The following NBAS variants were observed in gnomAD, a reference collection of about 807,000 sequenced individuals.
NBAS encodes NBAS subunit of NRZ tethering complex, also known as NAG/BC035112 fusion.
A neutral mutation model predicts 302.5 loss-of-function variants in NBAS; 219 were observed. The ratio of observed to expected loss-of-function variants is 0.72; its 90% CI spans 0.65 to 0.81. The LOEUF (loss-of-function observed/expected upper bound fraction) is 0.81. Ranked by LOEUF, NBAS falls within the 30% of genes least tolerant of loss-of-function variation. NBAS has a pLI of 0.00. For missense variants in NBAS, 2,932 were observed against 2,841.6 expected, an observed-to-expected ratio of 1.03 and a Z score of -0.72; for synonymous variants, 1,118 against 1,021.6, an observed-to-expected ratio of 1.09 and a Z score of -1.80.
At chr2:15,103,450 A>G in the NBAS span, among the ~76,000 whole-genome samples, 1 of 152,122 alleles carries the variant, frequency 6.6e-6, no homozygotes, top group African/African-American at 2.4e-5. Context: ...TGTTCATTCA[A>G]AAAGTATGCA....
intron 47 of NBAS, among the ~76,000 whole-genome samples, chr2:15,224,962 C>T (rs1558452995): frequency 6.6e-6 from 1 of 152,086 alleles, no homozygotes; most frequent in African/African-American, 2.4e-5. Context: ...GGAATAAGAA[C>T]TGCAAATAAA....
At position 15,415,615 on chromosome 2, in the gene NBAS, T is replaced by C. The variant is rs1265718775; in HGVS notation, c.2868A>G (p.Glu956=). ...SPGVANELLK[E]YLVTLAKGDL... ...CCCCTTTAGCTAAAGTTACTAAATATTCTTTTAATAGCTCATTAGCCACAC... is the reference window on the plus strand; with the variant it reads ...CCCCTTTAGCTAAAGTTACTAAATACTCTTTTAATAGCTCATTAGCCACAC... The change falls in exon 25 of 52, where the codon GAA becomes GAG. Residue 956 remains glutamate, a synonymous_variant. Transcript: ENST00000281513. The C allele has an allele frequency of 1.2e-6, 2 of 1,614,062 alleles. No individual in the cohort carries two copies. The highest frequency in any genetic ancestry group is 2.2e-5 in the South Asian group (2 of 91,086).
the NBAS span, among the ~76,000 whole-genome samples, chr2:15,015,307 A>AC: frequency 2.2e-4 from 34 of 152,084 alleles, no homozygotes; most frequent in African/African-American, 8.0e-4. Context: ...TAATACCAAA[A>AC]CAAAAAAAGA....
At chr2:15,299,944 A>G (rs1162039850) in intron 40 of NBAS, among the ~76,000 whole-genome samples, 1 of 152,200 alleles carries the variant, frequency 6.6e-6, no homozygotes, top group Non-Finnish European at 1.5e-5. Context: ...AAAACGTAAA[A>G]ATGAGTTAAT....
At chr2:14,988,366 C>T in the NBAS span, among the ~76,000 whole-genome samples, 1 of 152,150 alleles carries the variant, frequency 6.6e-6, no homozygotes, top group African/African-American at 2.4e-5. Flanking sequence ...ACAATATAAA[C>T]AGACCCATCT....
intron 30 of NBAS, among the ~76,000 whole-genome samples, chr2:15,378,574 A>G (rs1250776845): frequency 6.6e-6 from 1 of 152,174 alleles, no homozygotes; most frequent in Non-Finnish European, 1.5e-5. Context: ...AGTTTAGCCT[A>G]CCTTAAAAGT....
the NBAS span, among the ~76,000 whole-genome samples, chr2:15,112,260 A>G: frequency 1.3e-5 from 2 of 152,034 alleles, no homozygotes; most frequent in East Asian, 1.9e-4. Flanking sequence ...AGAGACATTT[A>G]AAAAATTGCT....
At chr2:15,001,256 G>T in the NBAS span, among the ~76,000 whole-genome samples, 55,145 of 151,638 alleles carry the variant, frequency 0.36, 10,625 homozygotes, top group Middle Eastern at 0.42. Flanking sequence ...CACATATAGA[G>T]AGAGAGAGAT....
intron 21 of NBAS, among the ~76,000 whole-genome samples, chr2:15,437,142 GGGA>G (rs58978273): frequency 0.013 from 1,930 of 152,158 alleles, 30 homozygotes; most frequent in East Asian, 0.059. Context: ...AATGTTCTAT[GGGA>G]CAGGTGACTC....
the NBAS span, among the ~76,000 whole-genome samples, chr2:14,995,366 CAGGGACA>C: frequency 2.6e-5 from 4 of 152,084 alleles, no homozygotes; most frequent in Non-Finnish European, 4.4e-5. Flanking sequence ...ATGTCTTTTG[CAGGGACA>C]AGGATGAAGC....
intron 23 of NBAS, among the ~76,000 whole-genome samples, chr2:15,418,117 ATGTT>A (rs1354183971): frequency 6.6e-6 from 1 of 152,248 alleles, no homozygotes; most frequent in Non-Finnish European, 1.5e-5. Flanking sequence ...TCCAAAAAGA[ATGTT>A]TGTTTTGAAG....
chr2:15,121,679 CAT>C, the NBAS span, among the ~76,000 whole-genome samples: 1 of 151,870 alleles, frequency 6.6e-6, no homozygotes, highest in African/African-American at 2.4e-5. Context: ...TCACCATAGA[CAT>C]GTGGATATTT....
rs1678431893 is a variant in NBAS at position 15,441,868 on chromosome 2, T to A, written c.2340-14074A>T. 2.6e-5 allele frequency among the ~76,000 whole-genome samples: 4 copies of A among 151,418 alleles called. No homozygotes were observed. The South Asian group carries it at 8.3e-4, about 32-fold the overall frequency. On this transcript the variant is annotated intron_variant, in intron 21 of 51. Coordinates refer to ENST00000281513, the MANE Select transcript of NBAS (RefSeq NM_015909.4). ...CAGGGGTTGCAATGCTAGTCTCTGA[T>A]AAAACAGACTTTAAACCAACAAAGA...
At chr2:15,095,780 G>A in the NBAS span, among the ~76,000 whole-genome samples, 1 of 152,184 alleles carries the variant, frequency 6.6e-6, no homozygotes, top group Non-Finnish European at 1.5e-5. Flanking sequence ...CCCAGGCCCT[G>A]ACATGGGAGC....
At chr2:15,154,594 C>G in the NBAS span, among the ~76,000 whole-genome samples, 1 of 152,188 alleles carries the variant, frequency 6.6e-6, no homozygotes, top group South Asian at 2.1e-4. Context: ...TTGTGAACAA[C>G]TATGCTAGGC....
At chr2:15,371,961 C>T (rs1304191112) in intron 31 of NBAS, among the ~76,000 whole-genome samples, 1 of 152,140 alleles carries the variant, frequency 6.6e-6, no homozygotes, top group Non-Finnish European at 1.5e-5. Flanking sequence ...ACAGTCCTTA[C>T]TATATCTTAG....
At chr2:15,074,402 G>A in the NBAS span, among the ~76,000 whole-genome samples, 174 of 141,284 alleles carry the variant, frequency 1.2e-3, no homozygotes, top group Middle Eastern at 6.9e-3. Context: ...AGGAGGGGGG[G>A]AGGGAAGGAA....
the NBAS span, among the ~76,000 whole-genome samples, chr2:14,907,876 C>G: frequency 2.0e-5 from 3 of 152,206 alleles, no homozygotes; most frequent in Non-Finnish European, 2.9e-5. Context: ...CCCGAACCCA[C>G]TTATCTATGA....
At chr2:15,088,605 A>G in the NBAS span, among the ~76,000 whole-genome samples, 4 of 152,136 alleles carry the variant, frequency 2.6e-5, no homozygotes, top group Non-Finnish European at 5.9e-5. Context: ...TCCTCAACAC[A>G]CTGCAAGTGG....
Sources: allele counts gnomAD v4.1 joint callset (sites outside exome capture counted in the v4.1 genomes callset), GRCh38; gene constraint gnomAD v4.1.1; transcripts MANE v1.5; gene names NCBI Gene and HGNC (gene_info 2026-07-23, HGNC 2026-07-21).